The following ASIC2 variants were observed in gnomAD, a reference collection of about 807,000 sequenced individuals.
The protein encoded by ASIC2 is acid-sensing ion channel 2.
ASIC2 carries 25 observed loss-of-function variants against 57.3 expected under a neutral mutation model. That is an observed-to-expected ratio of 0.44 (90% CI 0.32 to 0.61). The LOEUF is 0.61. Among genes scored for constraint, ASIC2 ranks in the 20% least tolerant of loss-of-function variants. The pLI is 0.06. For synonymous variants in ASIC2, 319 were observed against 307.5 expected, an observed-to-expected ratio of 1.04 and a Z score of -0.39; for missense variants, 641 against 738.1, an observed-to-expected ratio of 0.87 and a Z score of 1.52.
At chr17:33,196,264 T>C (rs1906622912) in intron 1 of ASIC2, among the ~76,000 whole-genome samples, 1 of 152,156 alleles carries the variant, frequency 6.6e-6, no homozygotes, top group African/African-American at 2.4e-5. Flanking sequence ...AAATCCTGAT[T>C]TTAAAACTGT....
chr17:33,019,137 G>C (rs2091823212), intron 7 of ASIC2, among the ~76,000 whole-genome samples: 2 of 152,162 alleles, frequency 1.3e-5, no homozygotes, highest in Non-Finnish European at 2.9e-5. Flanking sequence ...GGAGGTGTGT[G>C]ATGTACGTGT....
chr17:34,095,557 A>G (rs1213012738), intron 1 of ASIC2, among the ~76,000 whole-genome samples: 3 of 148,606 alleles, frequency 2.0e-5, no homozygotes, highest in African/African-American at 7.4e-5. Context: ...TGAAAAAATG[A>G]GATTGGTAGG....
chr17:33,575,959 A>G (rs1247005645), intron 1 of ASIC2, among the ~76,000 whole-genome samples: 1 of 152,204 alleles, frequency 6.6e-6, no homozygotes, highest in East Asian at 1.9e-4. Flanking sequence ...TGAAAATAAA[A>G]GCCGATTTGG....
At chr17:33,583,753 GGTGAGCACTCAAGCA>G (rs1456660987) in intron 1 of ASIC2, among the ~76,000 whole-genome samples, 1 of 152,152 alleles carries the variant, frequency 6.6e-6, no homozygotes, top group Non-Finnish European at 1.5e-5. Flanking sequence ...AATGTTCAAG[GGTGAGCACTCAAGCA>G]GCTTGTGAAG....
chr17:33,483,573 G>A (rs1597746187), intron 1 of ASIC2, among the ~76,000 whole-genome samples: 1 of 152,310 alleles, frequency 6.6e-6, no homozygotes, highest in East Asian at 1.9e-4. Context: ...AAACCTCTTT[G>A]GGTCCCTGTT....
intron 1 of ASIC2, among the ~76,000 whole-genome samples, chr17:33,823,090 G>T (rs7225394): frequency 0.81 from 123,372 of 152,174 alleles, 50,372 homozygotes; most frequent in African/African-American, 0.85. Context: ...TGGAGAAATA[G>T]TGGCTGTGTA....
intron 3 of ASIC2, among the ~76,000 whole-genome samples, chr17:33,036,675 T>C (rs146574330): frequency 1.3e-5 from 2 of 152,248 alleles, no homozygotes; most frequent in African/African-American, 4.8e-5. Flanking sequence ...CCTAAAGCAC[T>C]AGGGTTACAG....
At chr17:33,755,766 G>T (rs185667368) in intron 1 of ASIC2, among the ~76,000 whole-genome samples, 2 of 152,106 alleles carry the variant, frequency 1.3e-5, no homozygotes, top group South Asian at 2.1e-4. Flanking sequence ...ACATAAACAC[G>T]CAGGATACAG....
intron 1 of ASIC2, among the ~76,000 whole-genome samples, chr17:34,099,131 AGAGAGAGAGAGAGACAGAGAGAG>A (rs1567820717): frequency 1.6e-3 from 38 of 24,144 alleles, no homozygotes; most frequent in African/African-American, 4.3e-3. Context: ...AGAGAGAGAG[AGAGAGAGAGAGAGACAGAGAGAG>A]AGAGAGAGAG....
intron 1 of ASIC2, among the ~76,000 whole-genome samples, chr17:33,745,150 G>T (rs1910221291): frequency 6.6e-6 from 1 of 152,182 alleles, no homozygotes; most frequent in African/African-American, 2.4e-5. Context: ...GCCACAACTT[G>T]CTCCCTATCT....
chr17:33,824,926 G>T (rs188754193), intron 1 of ASIC2, among the ~76,000 whole-genome samples: 1 of 152,250 alleles, frequency 6.6e-6, no homozygotes, highest in African/African-American at 2.4e-5. Context: ...TGTGAGAACA[G>T]ACTAATACAG....
At chr17:34,079,331 G>A (rs901199814) in intron 1 of ASIC2, among the ~76,000 whole-genome samples, 12 of 152,106 alleles carry the variant, frequency 7.9e-5, no homozygotes, top group African/African-American at 2.9e-4. Flanking sequence ...TAATCAATGT[G>A]TGGTTTTCCA....
At chr17:34,070,235 A>T (rs943066198) in intron 1 of ASIC2, 1 of 151,846 alleles carries the variant, frequency 6.6e-6, no homozygotes, top group Non-Finnish European at 1.5e-5. Flanking sequence ...ATAAAGCAGT[A>T]CCCCCTGGTG....
intron 1 of ASIC2, among the ~76,000 whole-genome samples, chr17:33,158,772 C>T (rs1026861375): frequency 6.6e-6 from 1 of 152,228 alleles, no homozygotes; most frequent in Non-Finnish European, 1.5e-5. Flanking sequence ...CTATTTATGG[C>T]ATCATGAAGA....
At chr17:33,271,013 T>C (rs2142157598) in intron 1 of ASIC2, among the ~76,000 whole-genome samples, 1 of 152,328 alleles carries the variant, frequency 6.6e-6, no homozygotes, top group African/African-American at 2.4e-5. Context: ...TTTAAGTGCA[T>C]TTGGTTCCAA....
chr17:33,512,828 G>C (rs1914466346), intron 1 of ASIC2, among the ~76,000 whole-genome samples: 1 of 152,186 alleles, frequency 6.6e-6, no homozygotes, highest in Non-Finnish European at 1.5e-5. Flanking sequence ...CCATGGGAGG[G>C]TGACCTCTTG....
chr17:33,369,459 T>G (rs1036897293), intron 1 of ASIC2, among the ~76,000 whole-genome samples: 1 of 152,214 alleles, frequency 6.6e-6, no homozygotes, highest in African/African-American at 2.4e-5. Flanking sequence ...TTCCTTTCCC[T>G]TTTTGTAAAT....
At chr17:33,718,732 G>A (rs1006814050) in intron 1 of ASIC2, among the ~76,000 whole-genome samples, 2 of 152,164 alleles carry the variant, frequency 1.3e-5, no homozygotes, top group African/African-American at 4.8e-5. Flanking sequence ...TGGGGGAGGA[G>A]GAAACAGTGG....
intron 1 of ASIC2, among the ~76,000 whole-genome samples, chr17:33,913,399 C>T (rs559022032): frequency 1.1e-3 from 168 of 152,136 alleles, no homozygotes; most frequent in Non-Finnish European, 1.9e-3. Context: ...TAATAAAATA[C>T]AATTTATTTT....
Sources: allele counts gnomAD v4.1 joint callset (sites outside exome capture counted in the v4.1 genomes callset), GRCh38; gene constraint gnomAD v4.1.1; transcripts MANE v1.5; gene names NCBI Gene and HGNC (gene_info 2026-07-23, HGNC 2026-07-21).